Variants in RMDN2 observed in about 807,000 individuals in gnomAD.
The protein encoded by RMDN2 is regulator of microtubule dynamics 2.
RMDN2 carries 61 observed loss-of-function variants against 52.8 expected under a neutral mutation model. The ratio of observed to expected loss-of-function variants is 1.16; its 90% CI spans 0.94 to 1.43. The LOEUF (loss-of-function observed/expected upper bound fraction) is 1.43. Among genes scored for constraint, RMDN2 ranks in the 40% most tolerant of loss-of-function variants. RMDN2 has a pLI of 0.00. For synonymous variants in RMDN2, 180 were observed against 153.1 expected, an observed-to-expected ratio of 1.18 and a Z score of -1.30; for missense variants, 592 against 475.3, an observed-to-expected ratio of 1.25 and a Z score of -2.28.
intron 10 of RMDN2, among the ~76,000 whole-genome samples, chr2:38,061,646 C>CACACACACATACACACAT (rs1553393406): frequency 0.22 from 32,259 of 149,650 alleles, 3,529 homozygotes; most frequent in Non-Finnish European, 0.24. Flanking sequence ...CACACACACA[C>CACACACACATACACACAT]ACACACATAC....
At position 37,987,812 on chromosome 2, in the gene RMDN2, G is replaced by A. The variant is rs569349479; in HGVS notation, c.792-1729G>A. On this transcript the variant is annotated intron_variant, in intron 5 of 10. Transcript: ENST00000354545. ...AGTGGCTCTTGCCTGTAATCCCAGC[G>A]CTTTGGGAGGTCGAGGTGGGCAGAT... 9.9e-4 allele frequency among the ~76,000 whole-genome samples: 151 copies of A among 152,178 alleles called. 1 individual carries two copies. Among genetic ancestry groups the A allele is most frequent in the Non-Finnish European group, 2.1e-3 (141 of 67,988 alleles).
At chr2:38,006,665 C>A (rs113611645) in intron 10 of RMDN2, among the ~76,000 whole-genome samples, 1 of 151,852 alleles carries the variant, frequency 6.6e-6, no homozygotes, top group African/African-American at 2.4e-5. Context: ...GACAATTTGA[C>A]TTCCTCTTTT....
intron 8 of RMDN2, among the ~76,000 whole-genome samples, chr2:37,999,935 A>T (rs1044927370): frequency 6.6e-6 from 1 of 152,170 alleles, no homozygotes; most frequent in African/African-American, 2.4e-5. Context: ...CAAATTCTTC[A>T]TCCGTGAAAT....
rs545770124 is a variant in RMDN2, at chr2:38,028,143, T to C, written c.1713+23927T>C. On this transcript the variant is annotated intron_variant, in intron 10 of 10. Transcript: ENST00000234195. ...ATTATGGGGACTATCCAGAGGCTGATCCAAATTTCAGGGACCCCGAAGCTT... is the reference window on the plus strand; with the variant it reads ...ATTATGGGGACTATCCAGAGGCTGACCCAAATTTCAGGGACCCCGAAGCTT... The C allele has an allele frequency of 8.7e-5, 13 of 149,950 alleles. No homozygotes were observed. In the South Asian group the frequency reaches 2.7e-3, roughly 31 times the overall value. 9.3% of individuals were successfully genotyped at this position (149,950 alleles called of 1,614,324 possible).
chr2:37,921,962 G>A (rs1043451001), upstream of RMDN2, among the ~76,000 whole-genome samples: 5 of 152,138 alleles, frequency 3.3e-5, no homozygotes. Flanking sequence ...GCTCCTCCTC[G>A]TTTACAAATG....
chr2:37,965,481 T>G (rs1488510249), intron 2 of RMDN2, among the ~76,000 whole-genome samples: 1 of 152,084 alleles, frequency 6.6e-6, no homozygotes, highest in Non-Finnish European at 1.5e-5. Flanking sequence ...TAATTTTAAT[T>G]ACATACAAAA....
chr2:37,943,949 A>G lies in RMDN2; in HGVS notation c.452+14220A>G, dbSNP rs902097612. 5.9e-5 allele frequency among the ~76,000 whole-genome samples: 9 copies of G among 152,160 alleles called. No individual in the cohort carries two copies. The South Asian group carries it at 1.2e-3, about 21-fold the overall frequency. On this transcript the variant is annotated intron_variant, in intron 2 of 10. Coordinates refer to ENST00000354545, the MANE Select transcript of RMDN2 (RefSeq NM_001170791.3). ...AAGAAAAAACGATGGTCATATGGTC[A>G]TGCCAACAGGTGAAGTGTATAAGGT...
chr2:38,001,086 TC>T (rs758212600), intron 8 of RMDN2, among the ~76,000 whole-genome samples: 8 of 152,196 alleles, frequency 5.3e-5, no homozygotes, highest in Non-Finnish European at 1.0e-4. Context: ...ACTAGTGGCT[TC>T]CCCAGCTGCA....
chr2:37,991,937 A>G (rs1051116911), intron 7 of RMDN2, among the ~76,000 whole-genome samples: 1 of 152,244 alleles, frequency 6.6e-6, no homozygotes. Flanking sequence ...GAAAAAAATT[A>G]TCGTGAAAGG....
chr2:38,026,442 G>C (rs1432516179), intron 10 of RMDN2, among the ~76,000 whole-genome samples: 7 of 151,858 alleles, frequency 4.6e-5, no homozygotes, highest in Non-Finnish European at 8.8e-5. Context: ...AACAGCTTTT[G>C]GGTTCATTGA....
At position 37,951,891 on chromosome 2, in the gene RMDN2, G is replaced by A. The variant is rs142128542; in HGVS notation, c.453-22149G>A. 9.3e-5 allele frequency: 150 copies of A among 1,613,110 alleles called. No individual in the cohort carries two copies. In the East Asian group the frequency reaches 2.0e-3, roughly 22 times the overall value. On this transcript the variant is annotated intron_variant, in intron 2 of 10. Coordinates refer to ENST00000354545, the MANE Select transcript of RMDN2 (RefSeq NM_001170791.3). ...TCTTGCAAGTGATATTTCCTCTCCC[G>A]ATCAACAAAATGGAATTGCCAATGA...
downstream of RMDN2, among the ~76,000 whole-genome samples, chr2:38,018,093 C>T (rs990737298): frequency 6.6e-6 from 1 of 152,140 alleles, no homozygotes; most frequent in African/African-American, 2.4e-5. Flanking sequence ...AGGGACCAGC[C>T]ATTTTCACTT....
At chr2:37,924,071 G>C (rs1666111458), upstream of RMDN2, among the ~76,000 whole-genome samples, 1 of 152,138 alleles carries the variant, frequency 6.6e-6, no homozygotes, top group Non-Finnish European at 1.5e-5. Flanking sequence ...TTAATAAAAT[G>C]ACCATGGCCA....
intron 1 of RMDN2, among the ~76,000 whole-genome samples, chr2:37,926,263 TTAG>T (rs1424127133): frequency 2.0e-5 from 3 of 152,190 alleles, no homozygotes; most frequent in African/African-American, 7.2e-5. Context: ...TATAATTAAT[TTAG>T]TAAAGCATAA....
chr2:38,051,173 C>G (rs1681573403), intron 10 of RMDN2, among the ~76,000 whole-genome samples: 1 of 152,218 alleles, frequency 6.6e-6, no homozygotes, highest in Non-Finnish European at 1.5e-5. Context: ...CTTCATTAAT[C>G]TGGAATTCAT....
At position 38,017,280 on chromosome 2, in the gene RMDN2, C is replaced by T. The variant is rs1172680444; in HGVS notation, c.*41C>T. The T allele has an allele frequency of 1.4e-6, 2 of 1,474,236 alleles. No homozygotes were observed. Among genetic ancestry groups the T allele is most frequent in the East Asian group, 2.6e-5 (1 of 38,868 alleles). 91.3% of individuals were successfully genotyped at this position (1,474,236 alleles called of 1,614,324 possible). ...CTTCAACAAATCAGATGTGGTCTAC[C>T]AAAATTTAAATGAATCAAAGTTGTG... On this transcript the variant is annotated 3_prime_UTR_variant, in exon 11 of 11. Coordinates refer to ENST00000354545, the MANE Select transcript of RMDN2 (RefSeq NM_001170791.3).
chr2:37,956,169 G>C (rs1218209394), intron 2 of RMDN2, among the ~76,000 whole-genome samples: 1 of 152,102 alleles, frequency 6.6e-6, no homozygotes, highest in Non-Finnish European at 1.5e-5. Flanking sequence ...TGACATCACT[G>C]TCAAACGCCA....
At chr2:37,966,926 T>G (rs1285307780) in intron 2 of RMDN2, among the ~76,000 whole-genome samples, 1 of 152,180 alleles carries the variant, frequency 6.6e-6, no homozygotes, top group Non-Finnish European at 1.5e-5. Context: ...CAGAGCAACA[T>G]GCATTTTACT....
intron 10 of RMDN2, chr2:38,036,557 C>G (rs1027537324): frequency 1.3e-5 from 2 of 152,222 alleles, no homozygotes; most frequent in East Asian, 3.9e-4. Flanking sequence ...CCCTGTCCAA[C>G]TGCAGGTCGT....
Sources: allele counts gnomAD v4.1 joint callset (sites outside exome capture counted in the v4.1 genomes callset), GRCh38; gene constraint gnomAD v4.1.1; transcripts MANE v1.5; gene names NCBI Gene and HGNC (gene_info 2026-07-23, HGNC 2026-07-21).